The following ADAMTS2 variants were observed in gnomAD, a reference collection of about 807,000 sequenced individuals.
ADAMTS2 encodes the protein ADAM metallopeptidase with thrombospondin type 1 motif 2.
A neutral mutation model predicts 123.0 loss-of-function variants in ADAMTS2; 50 were observed. The observed-to-expected ratio is 0.41, with a 90% CI of 0.32 to 0.51. ADAMTS2 has a LOEUF of 0.51. Among genes scored for constraint, ADAMTS2 ranks in the 20% least tolerant of loss-of-function variants. The pLI is 0.35. For missense variants in ADAMTS2, 1,494 were observed against 1,705.2 expected (o/e 0.88, Z 2.18); for synonymous variants, 678 against 695.4 (o/e 0.98, Z 0.39).
intron 5 of ADAMTS2, among the ~76,000 whole-genome samples, chr5:179,172,437 A>T (rs1763841701): frequency 6.6e-6 from 1 of 152,240 alleles, no homozygotes; most frequent in African/African-American, 2.4e-5. Context: ...GGCAAGGCGC[A>T]TGAGGGGCAG....
At chr5:179,119,251 C>G (rs1762713511) in intron 21 of ADAMTS2, among the ~76,000 whole-genome samples, 1 of 152,216 alleles carries the variant, frequency 6.6e-6, no homozygotes, top group Non-Finnish European at 1.5e-5. Flanking sequence ...GATCAATGAT[C>G]TGAGCTCTGG....
At position 179,303,641 on chromosome 5, in the gene ADAMTS2, T is replaced by C. The variant is rs1756590898; in HGVS notation, c.535-30577A>G. ...GCCAAGCCAACACCTCATTTTTCTT[T>C]CCTATTTCCTTTTTCTTTTCTTCGT... On this transcript the variant is annotated intron_variant, in intron 2 of 21. Coordinates refer to ENST00000251582, the MANE Select transcript of ADAMTS2 (RefSeq NM_014244.5). The surrounding 1 kb of genome is among the most constrained non-coding windows in gnomAD (Gnocchi z 4.7). Among the ~76,000 whole-genome samples the C allele has an allele frequency of 6.6e-6, 1 of 152,244 alleles. No individual in the cohort carries two copies. Among genetic ancestry groups the C allele is most frequent in the African/African-American group, 2.4e-5 (1 of 41,458 alleles).
intron 2 of ADAMTS2, among the ~76,000 whole-genome samples, chr5:179,338,829 G>A (rs1415751648): frequency 1.3e-5 from 2 of 152,160 alleles, no homozygotes; most frequent in Non-Finnish European, 2.9e-5. Context: ...GGGTACAAGA[G>A]CAGAAAGCAG....
Position 179,158,566 on chromosome 5 carries a change from G to A in ADAMTS2, c.1132+157C>T, listed in dbSNP as rs1763529810. 2.0e-5 allele frequency among the ~76,000 whole-genome samples: 3 copies of A among 152,178 alleles called. No homozygotes were observed. The highest frequency in any genetic ancestry group is 4.4e-5 in the Non-Finnish European group (3 of 68,036). Reference sequence around the variant, plus strand: ...CTTCTAATGATGTATTTGTCCATCAGTGCACTGCCCCACACCCTCACCCAG... The same window carrying A: ...CTTCTAATGATGTATTTGTCCATCAATGCACTGCCCCACACCCTCACCCAG... On this transcript the variant is annotated intron_variant, in intron 6 of 21. Coordinates refer to ENST00000251582, the MANE Select transcript of ADAMTS2 (RefSeq NM_014244.5). The surrounding 1 kb of genome is among the most constrained non-coding windows in gnomAD (Gnocchi z 5.0).
chr5:179,345,162 CG>C lies in ADAMTS2; in HGVS notation c.139+27del. The C allele has an allele frequency of 5.5e-6, 6 of 1,086,030 alleles. No homozygotes were observed. Among genetic ancestry groups the C allele is most frequent in the Admixed American group, 1.0e-4 (2 of 19,218 alleles). 67.3% of individuals were successfully genotyped at this position (1,086,030 alleles called of 1,614,324 possible). A position where few individuals can be genotyped will look rare whatever the true frequency, so the allele number is the denominator to read the frequency against. On this transcript the variant is annotated intron_variant, in intron 1 of 21. Coordinates refer to ENST00000251582, the MANE Select transcript of ADAMTS2 (RefSeq NM_014244.5). The surrounding 1 kb of genome is among the most constrained non-coding windows in gnomAD (Gnocchi z 7.5). ...GACAGGGCCAGGCCGGCGGGGGTCC[CG>C]GGGAGTAGGGGCCGGGCCGCACCTA...
intron 3 of ADAMTS2, among the ~76,000 whole-genome samples, chr5:179,237,512 A>G (rs142619995): frequency 1.6e-3 from 239 of 152,276 alleles, no homozygotes; most frequent in African/African-American, 5.5e-3. Flanking sequence ...AGCAGCCTCT[A>G]CTGACTAAGA....
intron 21 of ADAMTS2, among the ~76,000 whole-genome samples, chr5:179,116,256 C>T (rs1431641121): frequency 2.7e-5 from 3 of 113,076 alleles, no homozygotes; most frequent in South Asian, 3.9e-4. Context: ...GATGTGACCA[C>T]GGCACCCCCC....
At chr5:179,281,149 C>A (rs778773984) in intron 2 of ADAMTS2, among the ~76,000 whole-genome samples, 1 of 152,206 alleles carries the variant, frequency 6.6e-6, no homozygotes, top group Non-Finnish European at 1.5e-5. Flanking sequence ...TAAGCCATGG[C>A]GCCCGGCCAG....
chr5:179,218,677 G>A (rs935206920), intron 3 of ADAMTS2, among the ~76,000 whole-genome samples: 1 of 152,228 alleles, frequency 6.6e-6, no homozygotes, highest in Non-Finnish European at 1.5e-5. Context: ...CTGGCCATCA[G>A]GAGCGCATCA....
chr5:179,189,256 G>A lies in ADAMTS2; in HGVS notation c.892-8101C>T, dbSNP rs1764244144. Among the ~76,000 whole-genome samples the A allele has an allele frequency of 6.6e-6, 1 of 152,208 alleles. No homozygotes were observed. Among genetic ancestry groups the A allele is most frequent in the African/African-American group, 2.4e-5 (1 of 41,454 alleles). On this transcript the variant is annotated intron_variant, in intron 4 of 21. Coordinates refer to ENST00000251582, the MANE Select transcript of ADAMTS2 (RefSeq NM_014244.5). The surrounding 1 kb of genome is among the most constrained non-coding windows in gnomAD (Gnocchi z 4.2). ...AATAAAGCTTTTTAATCACCTGGGTGCAGGTGGGCTGAGTCCAAAAAGAGA... is the reference window on the plus strand; with the variant it reads ...AATAAAGCTTTTTAATCACCTGGGTACAGGTGGGCTGAGTCCAAAAAGAGA...
intron 2 of ADAMTS2, among the ~76,000 whole-genome samples, chr5:179,333,816 T>C (rs1335126090): frequency 6.6e-6 from 1 of 151,988 alleles, no homozygotes; most frequent in Admixed American, 6.5e-5. Flanking sequence ...GCCAGGCTGG[T>C]CTCAAACACC....
intron 4 of ADAMTS2, among the ~76,000 whole-genome samples, chr5:179,196,563 G>A (rs563853887): frequency 5.3e-5 from 8 of 152,316 alleles, no homozygotes; most frequent in Admixed American, 3.9e-4. Flanking sequence ...TAGCCTCACC[G>A]GTCCTTTGAG....
chr5:179,344,169 G>A lies in ADAMTS2; in HGVS notation c.140-8C>T. The A allele has an allele frequency of 1.3e-6, 2 of 1,592,430 alleles. No individual in the cohort carries two copies. Among genetic ancestry groups the A allele is most frequent in the East Asian group, 2.3e-5 (1 of 44,116 alleles). The stretch of plus-strand genomic sequence containing the variant: ...CGTGCCCCAGGGGCCCGCCTGCAAC[G>A]GGAAGGGGCGTTAGATCGGCGGAGA... On this transcript the variant is annotated splice_polypyrimidine_tract_variant and splice_region_variant and intron_variant, in intron 1 of 21. Transcript: ENST00000251582.
intron 3 of ADAMTS2, among the ~76,000 whole-genome samples, chr5:179,251,108 C>A (rs143192909): frequency 1.4e-3 from 207 of 152,322 alleles, no homozygotes; most frequent in African/African-American, 4.7e-3. Context: ...CTGCATCAGG[C>A]GGGCCTGGGT....
At chr5:179,253,496 A>T (rs1765973743) in intron 3 of ADAMTS2, among the ~76,000 whole-genome samples, 1 of 152,082 alleles carries the variant, frequency 6.6e-6, no homozygotes, top group Non-Finnish European at 1.5e-5. Context: ...ATACAAAAAA[A>T]TTCGGGGGGT....
At chr5:179,160,349 G>C (rs1043296341) in intron 5 of ADAMTS2, among the ~76,000 whole-genome samples, 2 of 152,220 alleles carry the variant, frequency 1.3e-5, no homozygotes, top group Non-Finnish European at 2.9e-5. Flanking sequence ...AACCTGGGAG[G>C]CTGAGGAAGG....
intron 4 of ADAMTS2, among the ~76,000 whole-genome samples, chr5:179,199,742 G>A (rs955441371): frequency 1.3e-5 from 2 of 152,158 alleles, no homozygotes; most frequent in African/African-American, 4.8e-5. Flanking sequence ...GGCTGTGCCT[G>A]TCATAAACTT....
Position 179,121,664 on chromosome 5 carries a change from A to G in ADAMTS2, c.3175T>C (p.Ser1059Pro). The G allele has an allele frequency of 6.2e-7, 1 of 1,600,902 alleles. No individual in the cohort carries two copies. The highest frequency in any genetic ancestry group is 8.5e-7 in the Non-Finnish European group (1 of 1,173,508). The change falls in exon 21 of 22, where the codon TCA becomes CCA. Residue 1059 changes from serine (S) to proline (P), a missense_variant. Ser to Pro is a moderately conservative substitution (Grantham distance 74, BLOSUM62 -1). Coordinates refer to ENST00000251582, the MANE Select transcript of ADAMTS2 (RefSeq NM_014244.5). ...DPDSPIRKIS[S>P]KGHCQGDKSI... Reference sequence around the variant, plus strand: ...GAGTTATAAACGGGTCGGTTACTTGACGAGATCTTCCGGATGGGCGAGTCG... The same window carrying G: ...GAGTTATAAACGGGTCGGTTACTTGGCGAGATCTTCCGGATGGGCGAGTCG...
At chr5:179,254,406 T>G (rs959602559) in intron 3 of ADAMTS2, among the ~76,000 whole-genome samples, 1 of 152,174 alleles carries the variant, frequency 6.6e-6, no homozygotes, top group African/African-American at 2.4e-5. Flanking sequence ...GAGTGACTGC[T>G]CTGGGTGCAG....
Sources: gnomAD v4.1 joint callset for allele counts (sites outside exome capture counted in the v4.1 genomes callset) on GRCh38, gnomAD v4.1.1 for gene constraint, Gnocchi (gnomAD v3.1) non-coding constraint, MANE v1.5 for transcripts, NCBI Gene and HGNC (gene_info 2026-07-23, HGNC 2026-07-21) for gene names.